IMMP2L: variants seen among roughly 807,000 people sequenced by gnomAD.
The protein encoded by IMMP2L is inner mitochondrial membrane peptidase subunit 2.
In IMMP2L, 18 loss-of-function variants were observed where a neutral mutation model predicts 19.3. The ratio of observed to expected loss-of-function variants is 0.93; its 90% confidence interval spans 0.64 to 1.38. The LOEUF (loss-of-function observed/expected upper bound fraction) is 1.38, where lower values mean the gene tolerates loss of function less well. Ranked by LOEUF, IMMP2L falls within the 40% of genes most tolerant of loss-of-function variation. The pLI is 0.00. For missense variants in IMMP2L, 233 were observed against 218.2 expected, an observed-to-expected ratio of 1.07 and a Z score of -0.43; for synonymous variants, 76 against 73.0, an observed-to-expected ratio of 1.04 and a Z score of -0.21.
intron 4 of IMMP2L, among the ~76,000 whole-genome samples, chr7:110,952,919 T>C (rs2129554369): frequency 6.6e-6 from 1 of 152,230 alleles, no homozygotes; most frequent in South Asian, 2.1e-4. Flanking sequence ...AGATCACATA[T>C]CATTGCTACC....
intron 1 of IMMP2L, among the ~76,000 whole-genome samples, chr7:111,558,909 CT>C (rs1791690317): frequency 1.3e-5 from 2 of 152,116 alleles, no homozygotes; most frequent in Non-Finnish European, 2.9e-5. Context: ...TTAAGTAAGG[CT>C]TTTCTTTAAG....
At chr7:110,754,108 A>G (rs1797898392) in intron 5 of IMMP2L, among the ~76,000 whole-genome samples, 1 of 152,000 alleles carries the variant, frequency 6.6e-6, no homozygotes, top group Non-Finnish European at 1.5e-5. Context: ...TTTCCATCAA[A>G]TAATCTATCT....
intron 5 of IMMP2L, among the ~76,000 whole-genome samples, chr7:110,829,286 T>C (rs1300958793): frequency 1.3e-5 from 2 of 152,200 alleles, no homozygotes; most frequent in African/African-American, 4.8e-5. Context: ...TTATAGAACA[T>C]CATCTCCTTT....
chr7:110,873,098 T>G (rs1488312240), intron 5 of IMMP2L, among the ~76,000 whole-genome samples: 1 of 152,124 alleles, frequency 6.6e-6, no homozygotes, highest in Non-Finnish European at 1.5e-5. Flanking sequence ...ATTATTTTCT[T>G]TTTATGGTGA....
intron 3 of IMMP2L, among the ~76,000 whole-genome samples, chr7:111,472,293 T>C (rs952325437): frequency 6.6e-6 from 1 of 152,102 alleles, no homozygotes; most frequent in African/African-American, 2.4e-5. Context: ...TAAGAAAACA[T>C]ATCTGGAAAA....
intron 3 of IMMP2L, among the ~76,000 whole-genome samples, chr7:111,198,925 T>C (rs1286103466): frequency 6.6e-6 from 1 of 152,182 alleles, no homozygotes; most frequent in African/African-American, 2.4e-5. Flanking sequence ...GGAGAATATA[T>C]GCATTTTCAG....
intron 4 of IMMP2L, among the ~76,000 whole-genome samples, chr7:110,960,157 G>A (rs968863105): frequency 6.6e-6 from 1 of 151,796 alleles, no homozygotes; most frequent in Non-Finnish European, 1.5e-5. Context: ...GCCTGCTTTG[G>A]TGCTGCATTC....
At chr7:111,345,052 C>A (rs1013619292) in intron 3 of IMMP2L, among the ~76,000 whole-genome samples, 2 of 152,006 alleles carry the variant, frequency 1.3e-5, no homozygotes, top group Non-Finnish European at 2.9e-5. Flanking sequence ...TAAAGATAAA[C>A]CCTGAGTAAC....
chr7:111,063,317 C>A (rs914175419), intron 3 of IMMP2L, among the ~76,000 whole-genome samples: 1 of 152,166 alleles, frequency 6.6e-6, no homozygotes, highest in Non-Finnish European at 1.5e-5. Context: ...AGCTGGGATG[C>A]AGGGCACCAA....
At chr7:111,122,510 T>C (rs1586425429) in intron 3 of IMMP2L, 1 of 432,560 alleles carries the variant, frequency 2.3e-6, no homozygotes, top group Non-Finnish European at 4.1e-6. Flanking sequence ...TGACCATCTA[T>C]ACATACTCCA....
intron 3 of IMMP2L, among the ~76,000 whole-genome samples, chr7:111,008,986 T>C (rs931564068): frequency 2.0e-5 from 3 of 152,142 alleles, no homozygotes; most frequent in Admixed American, 1.3e-4. Flanking sequence ...CTAACTTACA[T>C]TGATTGTTTT....
chr7:110,939,398 A>G (rs1816480361), intron 4 of IMMP2L, among the ~76,000 whole-genome samples: 1 of 152,022 alleles, frequency 6.6e-6, no homozygotes. Context: ...CAAAAAAAAA[A>G]AAAAAAATCA....
At chr7:111,046,956 G>C (rs1364238387) in intron 3 of IMMP2L, among the ~76,000 whole-genome samples, 2 of 151,928 alleles carry the variant, frequency 1.3e-5, no homozygotes, top group African/African-American at 4.8e-5. Flanking sequence ...ATAAAAACCA[G>C]GGCCCATGGA....
At chr7:111,266,487 G>A (rs1477548004) in intron 3 of IMMP2L, among the ~76,000 whole-genome samples, 3 of 149,046 alleles carry the variant, frequency 2.0e-5, no homozygotes, top group African/African-American at 5.0e-5. Flanking sequence ...AGGTTGCAGC[G>A]AGCCAAGATC....
chr7:111,478,559 TTTTG>T (rs3052922), intron 3 of IMMP2L, among the ~76,000 whole-genome samples: 20,530 of 148,756 alleles, frequency 0.14, 2,025 homozygotes, highest in African/African-American at 0.28. Flanking sequence ...CATGCCCAGC[TTTTG>T]TTTGTTTGTT....
At chr7:110,726,125 G>A (rs1291216984) in intron 5 of IMMP2L, among the ~76,000 whole-genome samples, 1 of 152,136 alleles carries the variant, frequency 6.6e-6, no homozygotes, top group Non-Finnish European at 1.5e-5. Context: ...ATATCAAACT[G>A]CCTCTCATAT....
intron 3 of IMMP2L, among the ~76,000 whole-genome samples, chr7:111,054,745 A>C (rs1793337995): frequency 6.6e-6 from 1 of 152,280 alleles, no homozygotes; most frequent in East Asian, 1.9e-4. Flanking sequence ...TTCTAAAATC[A>C]ATTGCTCTAA....
intron 5 of IMMP2L, among the ~76,000 whole-genome samples, chr7:110,759,756 C>G (rs17399012): frequency 0.31 from 47,168 of 151,812 alleles, 7,619 homozygotes; most frequent in Middle Eastern, 0.38. Context: ...CTAGGGGAAC[C>G]CTGACATCAA....
chr7:110,987,624 GGA>G (rs1032844777), intron 3 of IMMP2L, among the ~76,000 whole-genome samples: 5 of 152,184 alleles, frequency 3.3e-5, no homozygotes, highest in African/African-American at 1.2e-4. Flanking sequence ...GATAGAGAAA[GGA>G]GATGGGTTTA....
Sources: allele counts gnomAD v4.1 joint callset (sites outside exome capture counted in the v4.1 genomes callset), GRCh38; gene constraint gnomAD v4.1.1; transcripts MANE v1.5; gene names NCBI Gene and HGNC (gene_info 2026-07-23, HGNC 2026-07-21).